The following OXNAD1 variants were observed in gnomAD, a reference collection of about 807,000 sequenced individuals.
OXNAD1 encodes oxidoreductase NAD-binding domain-containing protein 1.
A neutral mutation model predicts 32.9 loss-of-function variants in OXNAD1; 34 were observed. The observed-to-expected ratio is 1.03, with a 90% CI of 0.79 to 1.38. The LOEUF is 1.38. OXNAD1 is among the 40% of genes most tolerant of loss of function. The pLI is 0.00. For synonymous variants in OXNAD1, 134 were observed against 135.2 expected, an observed-to-expected ratio of 0.99 and a Z score of 0.06; for missense variants, 407 against 379.4, an observed-to-expected ratio of 1.07 and a Z score of -0.60.
Position 16,322,007 on chromosome 3 carries a change from C to G in OXNAD1, c.*31-15105C>G, listed in dbSNP as rs1390447803. Among the ~76,000 whole-genome samples, 3 of 152,366 alleles carry G rather than the reference C, an allele frequency of 2.0e-5. No homozygotes were observed. The East Asian group carries it at 5.8e-4, about 29-fold the overall frequency. On this transcript the variant is annotated intron_variant, in intron 9 of 9. Coordinates refer to the OXNAD1 transcript ENST00000435829. This position sits in a 1 kb window ranked among gnomAD's most constrained non-coding sequence, Gnocchi z 6.2. ...TAGGCAAAGGTGGCACCATCTCCCT[C>G]TGTAAGGCTGCAGCGGGTGTCTGTC...
At chr3:16,291,431 C>A (rs911021780) in intron 5 of OXNAD1, among the ~76,000 whole-genome samples, 1 of 152,138 alleles carries the variant, frequency 6.6e-6, no homozygotes, top group Non-Finnish European at 1.5e-5. Context: ...TCCTCCTGCC[C>A]GGCTTAGATG....
rs1192972735 is a variant in OXNAD1 at position 16,288,291 on chromosome 3, T to G, written c.290+1843T>G. 6.6e-6 allele frequency among the ~76,000 whole-genome samples: 1 copy of G among 152,060 alleles called. No homozygotes were observed. Among genetic ancestry groups the G allele is most frequent in the African/African-American group, 2.4e-5 (1 of 41,380 alleles). Reference sequence around the variant, plus strand: ...AAGTGAGGATGTGGCTGCCATGCAGTTTGTGTAGGTAGGATTATCAGACTG... The same window carrying G: ...AAGTGAGGATGTGGCTGCCATGCAGGTTGTGTAGGTAGGATTATCAGACTG... On this transcript the variant is annotated intron_variant, in intron 5 of 8. Coordinates refer to ENST00000285083, the MANE Select transcript of OXNAD1 (RefSeq NM_138381.5). The surrounding 1 kb of genome is among the most constrained non-coding windows in gnomAD (Gnocchi z 5.1).
chr3:16,269,410 A>G, intron 2 of OXNAD1, 135 bp downstream of exon 2: 18 of 862,042 alleles, frequency 2.1e-5, no homozygotes, highest in Non-Finnish European at 3.1e-5. Context: ...GTAAAGAGAA[A>G]AATAGCAAGT....
chr3:16,324,022 A>G (rs575024619), intron 9 of OXNAD1, among the ~76,000 whole-genome samples: 2 of 152,298 alleles, frequency 1.3e-5, no homozygotes, highest in South Asian at 4.1e-4. Context: ...CGTATCTTAC[A>G]ATACAGTGAA....
At chr3:16,307,248 C>A (rs138915436), downstream of OXNAD1, among the ~76,000 whole-genome samples, 949 of 152,206 alleles carry the variant, frequency 6.2e-3, 13 homozygotes, top group African/African-American at 0.021. Context: ...CCATTACAGT[C>A]AATTTTTTGA....
At chr3:16,268,989 A>G in intron 1 of OXNAD1, 137 bp from the exon 2 acceptor site, 2 of 566,738 alleles carry the variant, frequency 3.5e-6, no homozygotes, top group Non-Finnish European at 5.3e-6. Flanking sequence ...ATGGATGGAG[A>G]GGGGGTAATT....
In OXNAD1 at chr3:16,327,800, C is replaced by A. The variant is rs2069875830; in HGVS notation, c.*31-9312C>A. 6.6e-6 allele frequency among the ~76,000 whole-genome samples: 1 copy of A among 151,672 alleles called. No individual in the cohort carries two copies. Among genetic ancestry groups the A allele is most frequent in the African/African-American group, 2.4e-5 (1 of 41,266 alleles). Reference sequence around the variant, plus strand: ...AAACGAAAAAAACTTCAGCCCCCTGCTAGCACAGGGAGAGAGCCCTGATGT... The same window carrying A: ...AAACGAAAAAAACTTCAGCCCCCTGATAGCACAGGGAGAGAGCCCTGATGT... On this transcript the variant is annotated intron_variant, in intron 9 of 9. Coordinates refer to the OXNAD1 transcript ENST00000435829. This position sits in a 1 kb window ranked among gnomAD's most constrained non-coding sequence, Gnocchi z 4.2.
intron 4 of OXNAD1, among the ~76,000 whole-genome samples, chr3:16,279,949 G>A (rs143472879): frequency 1.2e-4 from 19 of 152,280 alleles, no homozygotes; most frequent in African/African-American, 4.6e-4. Flanking sequence ...GGAGAAGCTT[G>A]TTTTGTTTGT....
chr3:16,324,175 G>A (rs1327212953), intron 9 of OXNAD1, among the ~76,000 whole-genome samples: 2 of 151,902 alleles, frequency 1.3e-5, no homozygotes, highest in East Asian at 1.9e-4. Flanking sequence ...AATAATAATT[G>A]TATATTTATG....
At chr3:16,326,508 G>A (rs2069707093) in intron 9 of OXNAD1, among the ~76,000 whole-genome samples, 1 of 152,222 alleles carries the variant, frequency 6.6e-6, no homozygotes, top group Non-Finnish European at 1.5e-5. Context: ...AGCCCTCTCA[G>A]TCTGAGCGGC....
intron 9 of OXNAD1, among the ~76,000 whole-genome samples, chr3:16,313,204 G>GTTTTTTTTTTTTTTTTT (rs2068092292): frequency 4.2e-5 from 4 of 96,178 alleles, no homozygotes; most frequent in African/African-American, 6.2e-5. Context: ...ACACCCAGCG[G>GTTTTTTTTTTTTTTTTT]ATTTTTTTTT....
At chr3:16,286,514 T>G in intron 5 of OXNAD1, 66 bp downstream of exon 5, 1 of 1,328,024 alleles carries the variant, frequency 7.5e-7, no homozygotes, top group Non-Finnish European at 1.1e-6. Context: ...GAAGGTATTA[T>G]TTTTTCTCCT....
intron 6 of OXNAD1, among the ~76,000 whole-genome samples, chr3:16,296,429 TAATC>T (rs2066798306): frequency 6.6e-6 from 1 of 152,164 alleles, no homozygotes; most frequent in South Asian, 2.1e-4. Flanking sequence ...AACATAACAA[TAATC>T]AAAATCTCAA....
downstream of OXNAD1, among the ~76,000 whole-genome samples, chr3:16,308,719 G>A (rs115487620): frequency 4.7e-3 from 715 of 152,066 alleles, 3 homozygotes; most frequent in African/African-American, 0.016. The surrounding 1 kb of genome is among the most constrained non-coding windows in gnomAD (Gnocchi z 4.4). Context: ...AAAATGTTTC[G>A]TGCCCAGAAA....
chr3:16,312,141 C>T lies in OXNAD1; in HGVS notation c.*30+8549C>T, dbSNP rs779866006. On this transcript the variant is annotated intron_variant, in intron 9 of 9. Coordinates refer to the OXNAD1 transcript ENST00000435829. This position sits in a 1 kb window ranked among gnomAD's most constrained non-coding sequence, Gnocchi z 4.7. ...CTGAAACGATTGTTATCAACAGGAA[C>T]CTGTGGTGAACATCACTTTGCTTCC... 1.3e-5 allele frequency among the ~76,000 whole-genome samples: 2 copies of T among 152,180 alleles called. No individual in the cohort carries two copies. Among genetic ancestry groups the T allele is most frequent in the African/African-American group, 4.8e-5 (2 of 41,436 alleles).
rs553182993 is a variant in OXNAD1 at position 16,273,920 on chromosome 3, ACCTTTAT to A, written c.183+2200_183+2206del. Reference sequence around the variant, plus strand: ...CATCATTTCTGTTTCCTAATAAAAGACCTTTATCTCCCTAAGGTTATCACCACTTATC... The same window carrying A: ...CATCATTTCTGTTTCCTAATAAAAGACTCCCTAAGGTTATCACCACTTATC... On this transcript the variant is annotated intron_variant, in intron 4 of 8. Coordinates refer to ENST00000285083, the MANE Select transcript of OXNAD1 (RefSeq NM_138381.5). Among the ~76,000 whole-genome samples, 506 of 152,190 alleles carry A rather than the reference ACCTTTAT, an allele frequency of 3.3e-3. 3 individuals carry two copies. Among genetic ancestry groups the A allele is most frequent in the Non-Finnish European group, 5.0e-3 (340 of 68,000 alleles).
chr3:16,316,945 A>G lies in OXNAD1; in HGVS notation c.*30+13353A>G, dbSNP rs780859937. Reference sequence around the variant, plus strand: ...CCACCAGGGCCCTGCTGTGGCTGGCAGGACCATTCTGCACAGCCTCACCCT... The same window carrying G: ...CCACCAGGGCCCTGCTGTGGCTGGCGGGACCATTCTGCACAGCCTCACCCT... On this transcript the variant is annotated intron_variant, in intron 9 of 9. Coordinates refer to the OXNAD1 transcript ENST00000435829. The surrounding 1 kb of genome is among the most constrained non-coding windows in gnomAD (Gnocchi z 4.5). 1 of 1,614,034 alleles carries G rather than the reference A, an allele frequency of 6.2e-7. No homozygotes were observed. The highest frequency in any genetic ancestry group is 1.1e-5 in the South Asian group (1 of 91,078).
rs936754784 is a variant in OXNAD1 at position 16,320,613 on chromosome 3, C to T, written c.*31-16499C>T. ...AGCTCTGAAGGAGAAGAACGTGGTTCTTTTCCAGGGTAGTACAAAGGAGTC... is the reference window on the plus strand; with the variant it reads ...AGCTCTGAAGGAGAAGAACGTGGTTTTTTTCCAGGGTAGTACAAAGGAGTC... On this transcript the variant is annotated intron_variant, in intron 9 of 9. Transcript: ENST00000435829. The surrounding 1 kb of genome is among the most constrained non-coding windows in gnomAD (Gnocchi z 4.5). Among the ~76,000 whole-genome samples, 18 of 152,216 alleles carry T rather than the reference C, an allele frequency of 1.2e-4. No individual in the cohort carries two copies. Among genetic ancestry groups the T allele is most frequent in the African/African-American group, 4.3e-4 (18 of 41,450 alleles).
chr3:16,338,229 CA>C (rs369122801), downstream of OXNAD1, among the ~76,000 whole-genome samples: 59 of 152,338 alleles, frequency 3.9e-4, no homozygotes, highest in Middle Eastern at 3.4e-3. This position sits in a 1 kb window ranked among gnomAD's most constrained non-coding sequence, Gnocchi z 5.3. Flanking sequence ...TCCTTATTAT[CA>C]GGGGTGTCTG....
Sources: allele counts gnomAD v4.1 joint callset (sites outside exome capture counted in the v4.1 genomes callset), GRCh38; gene constraint gnomAD v4.1.1; non-coding constraint Gnocchi (gnomAD v3.1); transcripts MANE v1.5; gene names NCBI Gene and HGNC (gene_info 2026-07-23, HGNC 2026-07-21).